RBFOX1: variants seen among roughly 807,000 people sequenced by gnomAD.
RBFOX1 encodes the protein RNA binding fox-1 homolog 1, also known as RNA binding protein fox-1 homolog 1.
Under a neutral mutation model 57.7 loss-of-function variants are expected in RBFOX1, and 8 were observed. That is an observed-to-expected ratio of 0.14 (90% CI 0.08 to 0.25). The LOEUF (loss-of-function observed/expected upper bound fraction) is 0.25. Ranked by LOEUF, RBFOX1 falls within the 10% of genes least tolerant of loss-of-function variation. The pLI, the probability that RBFOX1 is intolerant of heterozygous loss-of-function variation, is 1.00. For synonymous variants in RBFOX1, 326 were observed against 222.4 expected (o/e 1.47, Z -4.15); for missense variants, 611 against 548.5 (o/e 1.11, Z -1.14).
intron 14 of RBFOX1, among the ~76,000 whole-genome samples, chr16:7,689,037 G>A (rs927017973): frequency 2.6e-5 from 4 of 152,016 alleles, no homozygotes; most frequent in African/African-American, 7.2e-5. Flanking sequence ...ACAGCTGCTC[G>A]CATTATGTAA....
chr16:7,574,141 T>G (rs1193942122), intron 5 of RBFOX1, among the ~76,000 whole-genome samples: 2 of 152,124 alleles, frequency 1.3e-5, no homozygotes, highest in Non-Finnish European at 1.5e-5. Flanking sequence ...AGCATGTCTG[T>G]CCTTGAGTGT....
chr16:6,782,306 T>C (rs2081167225), intron 3 of RBFOX1, among the ~76,000 whole-genome samples: 1 of 152,168 alleles, frequency 6.6e-6, no homozygotes, highest in East Asian at 1.9e-4. Context: ...CATTTATTGT[T>C]ATAAACTACC....
At chr16:6,910,018 A>T (rs1303161895) in intron 3 of RBFOX1, among the ~76,000 whole-genome samples, 2 of 151,526 alleles carry the variant, frequency 1.3e-5, no homozygotes, top group Non-Finnish European at 2.9e-5. Context: ...TGGTTTGTTT[A>T]CCTCTTGTTC....
intron 3 of RBFOX1, among the ~76,000 whole-genome samples, chr16:6,762,205 A>G (rs1234901793): frequency 6.6e-6 from 1 of 151,744 alleles, no homozygotes; most frequent in Non-Finnish European, 1.5e-5. Context: ...TTAGAATTAG[A>G]TAAAATAACT....
At chr16:5,740,534 A>G (rs535588347) in intron 3 of RBFOX1, among the ~76,000 whole-genome samples, 1 of 152,350 alleles carries the variant, frequency 6.6e-6, no homozygotes, top group South Asian at 2.1e-4. Context: ...CACGTGACTG[A>G]AAACCAAACC....
rs888399957 is a variant in RBFOX1 at position 7,054,217 on chromosome 16, G to GT, written c.27+2119_27+2120insT. Among the ~76,000 whole-genome samples the GT allele has an allele frequency of 8.6e-5, 9 of 104,644 alleles. No homozygotes were observed. The East Asian group carries it at 3.2e-3, about 38-fold the overall frequency. The allele number at this position is 104,644 out of a possible 152,430, so 68.7% of individuals were successfully genotyped here. On this transcript the variant is annotated intron_variant, in intron 4 of 15. Coordinates refer to ENST00000550418, the MANE Select transcript of RBFOX1 (RefSeq NM_018723.4). ...TATTAAGGTGATTTTTTTTTTCGGG[G>GT]GGGGGGGGCGGGGAGCTTTTTTTTT...
At chr16:5,374,094 T>G (rs1235733817) in intron 1 of RBFOX1, among the ~76,000 whole-genome samples, 1 of 152,186 alleles carries the variant, frequency 6.6e-6, no homozygotes, top group Non-Finnish European at 1.5e-5. Flanking sequence ...CCTGCCATCA[T>G]GTGCGGCTAA....
intron 3 of RBFOX1, among the ~76,000 whole-genome samples, chr16:6,854,699 G>C (rs553820094): frequency 6.8e-6 from 1 of 146,054 alleles, no homozygotes; most frequent in South Asian, 2.2e-4. Flanking sequence ...GGTTCAAGTC[G>C]TTCTCCTGCG....
At chr16:6,084,268 G>C (rs1341386907) in intron 1 of RBFOX1, among the ~76,000 whole-genome samples, 1 of 152,068 alleles carries the variant, frequency 6.6e-6, no homozygotes, top group Non-Finnish European at 1.5e-5. Context: ...TTTTGAGACA[G>C]TGTCTTGCTC....
intron 3 of RBFOX1, among the ~76,000 whole-genome samples, chr16:5,821,287 TC>T (rs2055846652): frequency 2.1e-5 from 3 of 146,114 alleles, no homozygotes; most frequent in East Asian, 2.0e-4. Context: ...TGTCATTCTC[TC>T]TTTTTTTATT....
At chr16:6,358,314 T>C (rs1018692125) in intron 2 of RBFOX1, among the ~76,000 whole-genome samples, 1 of 152,236 alleles carries the variant, frequency 6.6e-6, no homozygotes, top group African/African-American at 2.4e-5. Context: ...AAATCAATTA[T>C]GTATACTTTA....
chr16:6,641,881 C>T (rs2098493585), intron 2 of RBFOX1, among the ~76,000 whole-genome samples: 1 of 151,996 alleles, frequency 6.6e-6, no homozygotes, highest in Non-Finnish European at 1.5e-5. Context: ...CTTTAGCTCA[C>T]CTGGGGAACA....
rs71406388 is a variant in RBFOX1, at chr16:6,655,373, C to CAAAAAAAAAAAAAAAAAAAA, written c.-16+734_-16+753dup. Among the ~76,000 whole-genome samples the CAAAAAAAAAAAAAAAAAAAA allele has an allele frequency of 1.2e-3, 40 of 33,738 alleles. 10 individuals are homozygous for CAAAAAAAAAAAAAAAAAAAA. Among genetic ancestry groups the CAAAAAAAAAAAAAAAAAAAA allele is most frequent in the Middle Eastern group, 0.019 (1 of 52 alleles). 22.1% of individuals were successfully genotyped at this position (33,738 alleles called of 152,430 possible). On this transcript the variant is annotated intron_variant, in intron 3 of 15. Transcript: ENST00000550418. ...TGAGTGACAAAATAAGCCTCCGTTT[C>CAAAAAAAAAAAAAAAAAAAA]AAAAAAAAAAAAAAAAAAAAAAAAA...
intron 4 of RBFOX1, among the ~76,000 whole-genome samples, chr16:7,371,569 G>A (rs1011476199): frequency 6.6e-6 from 1 of 152,110 alleles, no homozygotes; most frequent in Non-Finnish European, 1.5e-5. Context: ...GGCCAACATG[G>A]TGAAACCCTG....
intron 3 of RBFOX1, among the ~76,000 whole-genome samples, chr16:5,690,988 G>T (rs953512135): frequency 9.8e-5 from 15 of 152,300 alleles, no homozygotes; most frequent in African/African-American, 3.6e-4. Context: ...AGGTAATCCA[G>T]TGCAGCCCAA....
intron 1 of RBFOX1, among the ~76,000 whole-genome samples, chr16:5,265,534 A>C (rs569957964): frequency 8.5e-4 from 130 of 152,362 alleles, no homozygotes; most frequent in African/African-American, 2.9e-3. Context: ...ACATAATTAG[A>C]TTATATTTTT....
intron 4 of RBFOX1, among the ~76,000 whole-genome samples, chr16:7,222,544 C>T (rs781535845): frequency 3.3e-4 from 50 of 152,260 alleles, no homozygotes; most frequent in Admixed American, 1.2e-3. Context: ...GAGGAGACGG[C>T]GAAGCAACAA....
chr16:6,557,148 C>T (rs1177505986), intron 2 of RBFOX1, among the ~76,000 whole-genome samples: 2 of 142,944 alleles, frequency 1.4e-5, no homozygotes, highest in Admixed American at 7.0e-5. Flanking sequence ...TACATATATA[C>T]ACACATATAT....
chr16:5,275,981 C>G (rs2063130832), intron 1 of RBFOX1, among the ~76,000 whole-genome samples: 2 of 152,164 alleles, frequency 1.3e-5, no homozygotes, highest in African/African-American at 4.8e-5. Context: ...TGGCAAGCCA[C>G]ATGTAAAAGA....
Sources: gnomAD v4.1 joint callset for allele counts (sites outside exome capture counted in the v4.1 genomes callset) on GRCh38, gnomAD v4.1.1 for gene constraint, MANE v1.5 for transcripts, NCBI Gene and HGNC (gene_info 2026-07-23, HGNC 2026-07-21) for gene names.